GABRB1: variants seen among roughly 807,000 people sequenced by gnomAD.
GABRB1 encodes the protein gamma-aminobutyric acid type A receptor subunit beta1.
Under a neutral mutation model 51.6 loss-of-function variants are expected in GABRB1, and 17 were observed. The observed-to-expected ratio is 0.33, with a 90% CI of 0.23 to 0.49. GABRB1 has a LOEUF of 0.49. Among genes scored for constraint, GABRB1 ranks in the 20% least tolerant of loss-of-function variants. GABRB1 has a pLI of 0.99. For synonymous variants in GABRB1, 247 were observed against 218.9 expected, an observed-to-expected ratio of 1.13 and a Z score of -1.14; for missense variants, 410 against 600.6, an observed-to-expected ratio of 0.68 and a Z score of 3.32.
intron 4 of GABRB1, among the ~76,000 whole-genome samples, chr4:47,318,775 A>C (rs1003275273): frequency 1.8e-4 from 27 of 152,140 alleles, no homozygotes; most frequent in East Asian, 9.6e-4. Context: ...GTCCACATTT[A>C]CAAGTTTTTG....
intron 1 of GABRB1, among the ~76,000 whole-genome samples, chr4:47,021,895 A>T (rs1044951591): frequency 5.3e-5 from 8 of 152,142 alleles, no homozygotes; most frequent in African/African-American, 1.9e-4. Flanking sequence ...TACAAAAAAG[A>T]CTTAAAACAG....
At chr4:47,337,808 TAAAAAAA>T (rs1170540924) in intron 5 of GABRB1, among the ~76,000 whole-genome samples, 6 of 84,486 alleles carry the variant, frequency 7.1e-5, no homozygotes, top group Admixed American at 4.0e-4. Flanking sequence ...AGACTCTGTC[TAAAAAAA>T]AAAAAAAAAA....
chr4:47,204,171 G>T (rs911516481), intron 4 of GABRB1, among the ~76,000 whole-genome samples: 11 of 152,144 alleles, frequency 7.2e-5, no homozygotes, highest in African/African-American at 2.7e-4. Flanking sequence ...CATGATTCGT[G>T]TTCTATCACA....
chr4:47,036,156 G>A (rs771664667), intron 3 of GABRB1, among the ~76,000 whole-genome samples: 28 of 152,146 alleles, frequency 1.8e-4, no homozygotes, highest in Non-Finnish European at 3.7e-4. Context: ...AGTGAACAAC[G>A]ATGACAAAAA....
At chr4:47,179,865 G>C (rs908131258) in intron 4 of GABRB1, among the ~76,000 whole-genome samples, 3 of 151,930 alleles carry the variant, frequency 2.0e-5, no homozygotes, top group African/African-American at 7.3e-5. Context: ...AACTCTATTA[G>C]TGAAATTAAA....
intron 3 of GABRB1, among the ~76,000 whole-genome samples, chr4:47,073,601 CT>C (rs1727431262): frequency 6.6e-6 from 1 of 152,084 alleles, no homozygotes. Flanking sequence ...AAATATTGGC[CT>C]TTTGTCTATA....
chr4:47,291,546 G>A (rs1423753417), intron 4 of GABRB1, among the ~76,000 whole-genome samples: 1 of 152,160 alleles, frequency 6.6e-6, no homozygotes, highest in Non-Finnish European at 1.5e-5. Context: ...CCATGTGCCT[G>A]GAAAAGCTGA....
chr4:47,363,910 G>T (rs1726889758), intron 5 of GABRB1, among the ~76,000 whole-genome samples: 1 of 152,146 alleles, frequency 6.6e-6, no homozygotes, highest in African/African-American at 2.4e-5. Flanking sequence ...AGATATTAAG[G>T]TTAATCATCC....
At chr4:47,294,368 C>A (rs1461745486) in intron 4 of GABRB1, among the ~76,000 whole-genome samples, 1 of 152,190 alleles carries the variant, frequency 6.6e-6, no homozygotes, top group Non-Finnish European at 1.5e-5. Context: ...AAAGGGGTGA[C>A]AGATGGCACC....
At chr4:47,290,128 T>G (rs1332886186) in intron 4 of GABRB1, among the ~76,000 whole-genome samples, 1 of 152,226 alleles carries the variant, frequency 6.6e-6, no homozygotes, top group East Asian at 1.9e-4. Flanking sequence ...AATGCAGTTG[T>G]GGACTGATAC....
intron 4 of GABRB1, among the ~76,000 whole-genome samples, chr4:47,307,198 T>C (rs1206464089): frequency 6.6e-6 from 1 of 152,126 alleles, no homozygotes; most frequent in Admixed American, 6.6e-5. Context: ...TAGAAATAAA[T>C]AGTATTTCTT....
At chr4:47,107,459 G>C (rs1715015668) in intron 3 of GABRB1, among the ~76,000 whole-genome samples, 1 of 151,794 alleles carries the variant, frequency 6.6e-6, no homozygotes, top group Non-Finnish European at 1.5e-5. Flanking sequence ...TCAGAATTTG[G>C]AAAATTAATA....
chr4:47,332,609 C>A (rs149508046), intron 5 of GABRB1, among the ~76,000 whole-genome samples: 1 of 152,190 alleles, frequency 6.6e-6, no homozygotes, highest in Non-Finnish European at 1.5e-5. Flanking sequence ...CACCCCAGGC[C>A]AATAGCATCA....
chr4:47,144,375 A>G (rs1173651710), intron 3 of GABRB1, among the ~76,000 whole-genome samples: 3 of 151,948 alleles, frequency 2.0e-5, no homozygotes, highest in African/African-American at 7.2e-5. Context: ...GCACCAAAGT[A>G]TGGTCAAATA....
At chr4:47,204,632 G>A (rs181671072) in intron 4 of GABRB1, among the ~76,000 whole-genome samples, 1 of 152,172 alleles carries the variant, frequency 6.6e-6, no homozygotes, top group East Asian at 1.9e-4. Context: ...TTATGGGGGT[G>A]GGTCTTTCCC....
At chr4:47,129,238 T>C (rs1716302712) in intron 3 of GABRB1, among the ~76,000 whole-genome samples, 1 of 152,150 alleles carries the variant, frequency 6.6e-6, no homozygotes, top group African/African-American at 2.4e-5. Context: ...TTCAATTAAA[T>C]GTATGTTCAA....
intron 3 of GABRB1, among the ~76,000 whole-genome samples, chr4:47,111,823 C>T (rs1715225201): frequency 6.6e-6 from 1 of 152,026 alleles, no homozygotes; most frequent in African/African-American, 2.4e-5. Context: ...TGAGATCATA[C>T]CACTGCACTC....
intron 3 of GABRB1, among the ~76,000 whole-genome samples, chr4:47,142,425 G>A (rs367727266): frequency 1.7e-4 from 26 of 152,018 alleles, no homozygotes; most frequent in African/African-American, 6.0e-4. Flanking sequence ...CAGAAATAAG[G>A]GATGTGGCTA....
At chr4:47,277,523 A>T (rs1389182910) in intron 4 of GABRB1, among the ~76,000 whole-genome samples, 1 of 152,120 alleles carries the variant, frequency 6.6e-6, no homozygotes, top group Non-Finnish European at 1.5e-5. Context: ...TGAATTTGTA[A>T]TTCAAAGGAT....
Sources: allele counts gnomAD v4.1 joint callset (sites outside exome capture counted in the v4.1 genomes callset), GRCh38; gene constraint gnomAD v4.1.1; transcripts MANE v1.5; gene names NCBI Gene and HGNC (gene_info 2026-07-23, HGNC 2026-07-21).